The following ACOT11 variants were observed in gnomAD, a reference collection of about 807,000 sequenced individuals.
The protein encoded by ACOT11 is acyl-CoA thioesterase 11.
A neutral mutation model predicts 77.5 loss-of-function variants in ACOT11; 69 were observed. The observed-to-expected ratio is 0.89, with a 90% CI of 0.73 to 1.09. The LOEUF is 1.09. Ranked by LOEUF, ACOT11 falls within the 50% of genes least tolerant of loss-of-function variation. The pLI is 0.00. For missense variants in ACOT11, 766 were observed against 813.7 expected (o/e 0.94, Z 0.71); for synonymous variants, 279 against 313.0 (o/e 0.89, Z 1.15).
chr1:54,560,456 T>C (rs1351638355), intron 1 of ACOT11, among the ~76,000 whole-genome samples: 1 of 152,222 alleles, frequency 6.6e-6, no homozygotes, highest in East Asian at 1.9e-4. Flanking sequence ...CTAGGGCTTC[T>C]TCAGTAGTAA....
intron 6 of ACOT11, among the ~76,000 whole-genome samples, chr1:54,596,699 G>C (rs1426069935): frequency 1.3e-5 from 2 of 152,126 alleles, no homozygotes; most frequent in African/African-American, 4.8e-5. Context: ...TCAGCCTCCT[G>C]AGTAGCTGGG....
intron 1 of ACOT11, among the ~76,000 whole-genome samples, chr1:54,577,637 A>C (rs1338671419): frequency 6.6e-6 from 1 of 151,938 alleles, no homozygotes. Context: ...GTGTATGTGC[A>C]TGTATTTGTA....
At chr1:54,612,817 G>T, downstream of ACOT11, 1 of 785,380 alleles carries the variant, frequency 1.3e-6, no homozygotes, top group Non-Finnish European at 2.1e-6. Flanking sequence ...TTGGATCTAT[G>T]ATAAGGTCAG....
intron 1 of ACOT11, among the ~76,000 whole-genome samples, chr1:54,578,837 A>T (rs1654201622): frequency 6.8e-6 from 1 of 146,528 alleles, no homozygotes; most frequent in African/African-American, 2.7e-5. Flanking sequence ...TATTTAATTT[A>T]TGATCTTGAA....
Position 54,604,412 on chromosome 1 carries a change from TCCTCGGAGATCA to T in ACOT11, c.1220_1231del (p.Ser407_Ser411delinsCys), listed in dbSNP as rs1644001109. 1 of 1,613,896 alleles carries T rather than the reference TCCTCGGAGATCA, an allele frequency of 6.2e-7. No individual in the cohort carries two copies. The highest frequency in any genetic ancestry group is 1.1e-5 in the South Asian group (1 of 91,076). ...TGTGGCCAAGGACAACTGGGTGCTG[TCCTCGGAGATCA>T]GTCAGGTAGCTGACCCCACCCACCC... On this transcript the variant is annotated inframe_deletion, in exon 12 of 16. Transcript: ENST00000343744.
rs575369406 is a variant in ACOT11, at chr1:54,607,075, C to T, written c.1371-59C>T. On this transcript the variant is annotated intron_variant, in intron 13 of 15. Coordinates refer to ENST00000343744, the MANE Select transcript of ACOT11 (RefSeq NM_147161.4). The surrounding 1 kb of genome is among the most constrained non-coding windows in gnomAD (Gnocchi z 4.5). ...CAGTGTGGCAGGGCCCGGGCAGACC[C>T]GCTGCTTGCATGGGAGCTGGAAGCT... 1.5e-4 allele frequency: 245 copies of T among 1,607,290 alleles called. No individual in the cohort carries two copies. The African/African-American group carries it at 2.6e-3, about 17-fold the overall frequency.
Position 54,597,048 on chromosome 1 carries a change from G to A in ACOT11, c.608-211G>A, listed in dbSNP as rs1755590. Among the ~76,000 whole-genome samples the A allele has an allele frequency of 5.4e-3, 830 of 152,356 alleles. 8 individuals carry two copies. Among genetic ancestry groups the A allele is most frequent in the African/African-American group, 0.019 (801 of 41,584 alleles). The stretch of plus-strand genomic sequence containing the variant: ...AGCTGAGGCTCAGACCTGCTGTCTT[G>A]TCTCAGAGCTGGTGCTGCATCCACT... On this transcript the variant is annotated intron_variant, in intron 6 of 15. Transcript: ENST00000343744.
At chr1:54,632,293 C>A (rs1287531907) in intron 16 of ACOT11, among the ~76,000 whole-genome samples, 2 of 152,196 alleles carry the variant, frequency 1.3e-5, no homozygotes, top group Non-Finnish European at 2.9e-5. Flanking sequence ...CAATGTCTGT[C>A]CCCTGCCACA....
At chr1:54,577,299 C>T (rs1004650443) in intron 1 of ACOT11, among the ~76,000 whole-genome samples, 1 of 152,176 alleles carries the variant, frequency 6.6e-6, no homozygotes, top group African/African-American at 2.4e-5. Context: ...GGTAGTTTTT[C>T]CCCATTCCCT....
At chr1:54,563,638 A>G (rs189177850) in intron 1 of ACOT11, among the ~76,000 whole-genome samples, 144 of 152,334 alleles carry the variant, frequency 9.5e-4, no homozygotes, top group Non-Finnish European at 1.7e-3. Flanking sequence ...AGAAAGCTCT[A>G]TGGGCCAGGC....
intron 15 of ACOT11, 110 bp downstream of exon 15, chr1:54,608,178 C>A: frequency 9.6e-7 from 1 of 1,036,558 alleles, no homozygotes; most frequent in Non-Finnish European, 1.4e-6. Flanking sequence ...GGCCCCCCAG[C>A]AGGCTCCCCC....
At chr1:54,610,393 G>C, downstream of ACOT11, 1 of 1,610,796 alleles carries the variant, frequency 6.2e-7, no homozygotes, top group Middle Eastern at 1.7e-4. Context: ...GAGCACCGGG[G>C]CTGAAGGGTA....
At chr1:54,599,840 A>T (rs960760711) in intron 8 of ACOT11, among the ~76,000 whole-genome samples, 1 of 152,276 alleles carries the variant, frequency 6.6e-6, no homozygotes, top group Non-Finnish European at 1.5e-5. Context: ...TGCCTTTGCA[A>T]TGAATTCTGA....
At chr1:54,554,333 G>GTGTGTGTGTGTGTA (rs1324068229) in intron 1 of ACOT11, among the ~76,000 whole-genome samples, 1 of 96,380 alleles carries the variant, frequency 1.0e-5, no homozygotes, top group African/African-American at 4.1e-5. Context: ...GTGTGTGTGT[G>GTGTGTGTGTGTGTA]TATATATATA....
At chr1:54,576,761 G>C (rs890239269) in intron 1 of ACOT11, among the ~76,000 whole-genome samples, 1 of 152,136 alleles carries the variant, frequency 6.6e-6, no homozygotes, top group African/African-American at 2.4e-5. Context: ...GCTTCAGTGT[G>C]AGCGAGACTG....
chr1:54,570,914 C>G (rs919444313), intron 1 of ACOT11, among the ~76,000 whole-genome samples: 1 of 151,732 alleles, frequency 6.6e-6, no homozygotes, highest in African/African-American at 2.4e-5. Context: ...AACTCCTGGC[C>G]TCAAGTGATC....
Position 54,608,080 on chromosome 1 carries a change from C to G in ACOT11, c.1629+12C>G. ...ACCAGCTGACCAAGGTGAGGCCGGT[C>G]CCCCCAACCACGCCCCCAGCCTGGC... is the stretch of plus-strand genomic sequence containing the variant. On this transcript the variant is annotated intron_variant, in intron 15 of 15. Coordinates refer to ENST00000343744, the MANE Select transcript of ACOT11 (RefSeq NM_147161.4). 6.2e-7 allele frequency: 1 copy of G among 1,603,830 alleles called. No individual in the cohort carries two copies. The highest frequency in any genetic ancestry group is 2.2e-5 in the East Asian group (1 of 44,706).
downstream of ACOT11, chr1:54,610,530 G>C (rs766811270): frequency 4.3e-6 from 7 of 1,613,060 alleles, no homozygotes; most frequent in Admixed American, 1.2e-4. Flanking sequence ...CTCCCGTGTA[G>C]TACATTGGTT....
intron 8 of ACOT11, 117 bp downstream of exon 8, chr1:54,599,532 A>G: frequency 8.6e-7 from 1 of 1,161,760 alleles, no homozygotes; most frequent in Non-Finnish European, 1.1e-6. Flanking sequence ...ACAGGGTCTA[A>G]ATCCCTGCCT....
Sources: gnomAD v4.1 joint callset for allele counts (sites outside exome capture counted in the v4.1 genomes callset) on GRCh38, gnomAD v4.1.1 for gene constraint, Gnocchi (gnomAD v3.1) non-coding constraint, MANE v1.5 for transcripts, NCBI Gene and HGNC (gene_info 2026-07-23, HGNC 2026-07-21) for gene names.